FBXO16: variants seen among roughly 807,000 people sequenced by gnomAD.
The protein encoded by FBXO16 is F-box protein 16, also known as F-box only protein 16.
A neutral mutation model predicts 41.0 loss-of-function variants in FBXO16; 31 were observed. The ratio of observed to expected loss-of-function variants is 0.76; its 90% CI spans 0.57 to 1.02. The LOEUF (loss-of-function observed/expected upper bound fraction) is 1.02. Ranked by LOEUF, FBXO16 falls within the 50% of genes least tolerant of loss-of-function variation. The probability of loss-of-function intolerance (pLI) is 0.00; values close to 1 mark genes in which losing one functional copy is unlikely to be tolerated. For missense variants in FBXO16, 361 were observed against 346.2 expected, an observed-to-expected ratio of 1.04 and a Z score of -0.34; for synonymous variants, 133 against 117.8, an observed-to-expected ratio of 1.13 and a Z score of -0.84.
At chr8:28,458,265 A>T (rs1443439508) in intron 4 of FBXO16, among the ~76,000 whole-genome samples, 6 of 152,194 alleles carry the variant, frequency 3.9e-5, no homozygotes, top group Non-Finnish European at 7.3e-5. Context: ...TTTTATGTGC[A>T]GAAGATGAGA....
rs765258819 is a variant in FBXO16 at position 28,484,843 on chromosome 8, CT to C, written c.-16-1382del. 5.0e-3 allele frequency among the ~76,000 whole-genome samples: 768 copies of C among 152,232 alleles called. 9 individuals carry two copies. The highest frequency in any genetic ancestry group is 0.022 in the East Asian group (116 of 5,162). On this transcript the variant is annotated intron_variant, in intron 1 of 8. Transcript: ENST00000380254. ...CTCCTGACCTCATGATCCACCCCCCCTGGGCCTCCCAAAGTGCTGGGATTAC... is the reference window on the plus strand; with the variant it reads ...CTCCTGACCTCATGATCCACCCCCCCGGGCCTCCCAAAGTGCTGGGATTAC...
intron 3 of FBXO16, among the ~76,000 whole-genome samples, chr8:28,465,736 C>T (rs1803226785): frequency 6.6e-6 from 1 of 152,230 alleles, no homozygotes; most frequent in African/African-American, 2.4e-5. Flanking sequence ...CTTACGCCAG[C>T]TCAGATAAAC....
intron 4 of FBXO16, among the ~76,000 whole-genome samples, chr8:28,460,083 A>C (rs551892640): frequency 5.9e-5 from 9 of 151,672 alleles, no homozygotes; most frequent in African/African-American, 2.2e-4. Context: ...CTAATACCAA[A>C]TTCAAAGAAA....
At chr8:28,489,426 G>A (rs181920290) in intron 1 of FBXO16, among the ~76,000 whole-genome samples, 284 of 150,442 alleles carry the variant, frequency 1.9e-3, no homozygotes, top group African/African-American at 6.4e-3. Context: ...TATAATCCCC[G>A]CATTTTGGGA....
At position 28,456,950 on chromosome 8, in the gene FBXO16, T is replaced by C. The variant is rs1292815314; in HGVS notation, c.343-20A>G. On this transcript the variant is annotated intron_variant, in intron 4 of 8. Coordinates refer to ENST00000380254, the MANE Select transcript of FBXO16 (RefSeq NM_172366.4). ...GCACACCTGGAAAAACAATTACAATTAAACAAAACCAAATCAAACAACCCC... is the reference window on the plus strand; with the variant it reads ...GCACACCTGGAAAAACAATTACAATCAAACAAAACCAAATCAAACAACCCC... 1.2e-6 allele frequency: 2 copies of C among 1,606,266 alleles called. No individual in the cohort carries two copies. The highest frequency in any genetic ancestry group is 2.2e-5 in the East Asian group (1 of 44,728).
chr8:28,477,209 A>G (rs1803436538), intron 2 of FBXO16, among the ~76,000 whole-genome samples: 1 of 152,194 alleles, frequency 6.6e-6, no homozygotes, highest in Non-Finnish European at 1.5e-5. Flanking sequence ...AGTCTAAGAT[A>G]GTTACATATT....
At chr8:28,439,588 A>C (rs539796351) in intron 7 of FBXO16, among the ~76,000 whole-genome samples, 6 of 152,056 alleles carry the variant, frequency 3.9e-5, no homozygotes, top group South Asian at 2.1e-4. Context: ...AAATACCCCC[A>C]AAAACCACAA....
At chr8:28,466,479 A>G (rs1479282980) in intron 3 of FBXO16, among the ~76,000 whole-genome samples, 2 of 151,996 alleles carry the variant, frequency 1.3e-5, no homozygotes, top group Non-Finnish European at 2.9e-5. Context: ...TATACAAGCC[A>G]TATCTCCAAC....
rs1410417570 is a variant in FBXO16, at chr8:28,452,396, T to C, written c.588A>G (p.Leu196=). 5.6e-6 allele frequency: 9 copies of C among 1,614,126 alleles called. No homozygotes were observed. Among genetic ancestry groups the C allele is most frequent in the Non-Finnish European group, 7.6e-6 (9 of 1,180,046 alleles). The change falls in exon 6 of 9, where the codon TTA becomes TTG. Residue 196 remains leucine, a synonymous_variant. Coordinates refer to ENST00000380254, the MANE Select transcript of FBXO16 (RefSeq NM_172366.4). The part of the protein sequence containing the change: ...SNSPEEKQSP[L]SAFRSSSSLR... ...AAGAGGAAGAGGACCGAAAAGCTGA[T>C]AAAGGGGACTGTTTTTCCTCTGGAG...
chr8:28,458,568 T>C (rs1250672616), intron 4 of FBXO16, among the ~76,000 whole-genome samples: 1 of 127,786 alleles, frequency 7.8e-6, no homozygotes, highest in African/African-American at 2.8e-5. Context: ...TTTTTTTTTT[T>C]TGAGACAGAG....
intron 4 of FBXO16, among the ~76,000 whole-genome samples, chr8:28,458,544 CTTTTTTTT>C (rs34617439): frequency 2.3e-5 from 2 of 87,608 alleles, no homozygotes; most frequent in Admixed American, 1.5e-4. Context: ...TCTTCTTCTT[CTTTTTTTT>C]TTTTTTTTTT....
At chr8:28,465,892 C>A (rs1563366326) in intron 3 of FBXO16, among the ~76,000 whole-genome samples, 1 of 151,318 alleles carries the variant, frequency 6.6e-6, no homozygotes, top group Admixed American at 6.6e-5. Context: ...CGTGAGAGTG[C>A]CTCCATTCTG....
At chr8:28,441,256 G>A (rs2130097357) in intron 7 of FBXO16, among the ~76,000 whole-genome samples, 1 of 152,142 alleles carries the variant, frequency 6.6e-6, no homozygotes, top group South Asian at 2.1e-4. Context: ...TTCCCTTCCA[G>A]GAGCAGAAAC....
chr8:28,456,843 G>A lies in FBXO16; in HGVS notation c.430C>T (p.Pro144Ser), dbSNP rs746626153. 1.9e-6 allele frequency: 3 copies of A among 1,614,106 alleles called. No individual in the cohort carries two copies. Among genetic ancestry groups the A allele is most frequent in the Non-Finnish European group, 2.5e-6 (3 of 1,180,014 alleles). ...LRFNWYINFSPTPFEQGIWKK... is the reference protein window; with the variant it reads ...LRFNWYINFSSTPFEQGIWKK... Reference sequence around the variant, plus strand: ...CAGATCCCCTGCTCAAAGGGAGTTGGAGAGAAATTGATGTACCAGTTAAAC... The same window carrying A: ...CAGATCCCCTGCTCAAAGGGAGTTGAAGAGAAATTGATGTACCAGTTAAAC... Residue 144 changes from proline (P) to serine (S), a missense_variant, in exon 5 of 9, where the codon CCA becomes TCA. Physicochemically the swap from Pro to Ser is moderately conservative, Grantham distance 74. Transcript: ENST00000380254.
chr8:28,431,700 C>T (rs1329083551), intron 7 of FBXO16, among the ~76,000 whole-genome samples: 4 of 152,176 alleles, frequency 2.6e-5, no homozygotes, highest in African/African-American at 4.8e-5. Context: ...CCTCCAGACG[C>T]GGCAAGGCAC....
chr8:28,486,949 T>C (rs1284688688), intron 1 of FBXO16, among the ~76,000 whole-genome samples: 4 of 152,000 alleles, frequency 2.6e-5, no homozygotes, highest in African/African-American at 9.7e-5. Flanking sequence ...CCTAGAAAAA[T>C]GCACATACAC....
chr8:28,441,140 G>C (rs967726533), intron 7 of FBXO16, among the ~76,000 whole-genome samples: 1 of 152,144 alleles, frequency 6.6e-6, no homozygotes, highest in Non-Finnish European at 1.5e-5. Flanking sequence ...AATTGGAACA[G>C]GTGGTATCTA....
intron 7 of FBXO16, among the ~76,000 whole-genome samples, chr8:28,440,259 C>T (rs1187709560): frequency 6.6e-6 from 1 of 152,144 alleles, no homozygotes; most frequent in South Asian, 2.1e-4. Flanking sequence ...TGCGACACCA[C>T]ACCTTGCTAA....
intron 6 of FBXO16, among the ~76,000 whole-genome samples, chr8:28,451,742 G>C (rs1802956487): frequency 6.6e-6 from 1 of 152,006 alleles, no homozygotes; most frequent in South Asian, 2.1e-4. Flanking sequence ...CAGCACTTTA[G>C]GAGGCCGAGG....
Sources: gnomAD v4.1 joint callset for allele counts (sites outside exome capture counted in the v4.1 genomes callset) on GRCh38, gnomAD v4.1.1 for gene constraint, MANE v1.5 for transcripts, NCBI Gene and HGNC (gene_info 2026-07-23, HGNC 2026-07-21) for gene names.